KLHL33: variants seen among roughly 807,000 people sequenced by gnomAD.
KLHL33 encodes the protein kelch-like protein 33.
Under a neutral mutation model 60.8 loss-of-function variants are expected in KLHL33, and 46 were observed. The observed-to-expected ratio is 0.76, with a 90% CI of 0.60 to 0.97. The LOEUF is 0.97. KLHL33 is among the 50% of genes least tolerant of loss of function. KLHL33 has a pLI of 0.00. For missense variants in KLHL33, 1,055 were observed against 1,000.0 expected (o/e 1.05, Z -0.74); for synonymous variants, 434 against 432.2 (o/e 1.00, Z -0.05).
chr14:20,432,215 T>C (rs1447079705), intron 2 of KLHL33, among the ~76,000 whole-genome samples: 1 of 151,940 alleles, frequency 6.6e-6, no homozygotes, highest in African/African-American at 2.4e-5. Context: ...TCCAGCTTCA[T>C]GTGATTCTCG....
At position 20,429,510 on chromosome 14, in the gene KLHL33, A is replaced by G; in HGVS notation, c.1833T>C (p.Asn611=). The G allele has an allele frequency of 6.4e-7, 1 of 1,552,140 alleles. No homozygotes were observed. Among genetic ancestry groups the G allele is most frequent in the African/African-American group, 1.4e-5 (1 of 73,136 alleles). The part of the protein sequence containing the change: ...DSVETYNPEL[N]VWRPAPALPA... The stretch of plus-strand genomic sequence containing the variant: ...CCCCCTTGCCTGCTTACCTCCAGAC[A>G]TTGAGCTCAGGGTTGTAGGTCTCCA... Residue 611 remains asparagine (N), a synonymous_variant, in exon 4 of 5, where the codon AAT becomes AAC. Coordinates refer to ENST00000636854, the MANE Select transcript of KLHL33 (RefSeq NM_001365790.2).
chr14:20,435,764 G>A lies in KLHL33; in HGVS notation c.48C>T (p.Val16=). 1.6e-6 allele frequency: 2 copies of A among 1,234,432 alleles called. No individual in the cohort carries two copies. Among genetic ancestry groups the A allele is most frequent in the Non-Finnish European group, 2.0e-6 (2 of 988,214 alleles). The allele number at this position is 1,234,432 out of a possible 1,614,324, so 76.5% of individuals were successfully genotyped here. A position where few individuals can be genotyped will look rare whatever the true frequency, so the allele number is the denominator to read the frequency against. ...GGCAGTCCCTCTGGACGGGATGAGA[G>A]ACACTCTCCAGCTCAGGGGGATAAT... The part of the protein sequence containing the change: ...TPHYPPELES[V]SHPVQRDCLG... Residue 16 remains valine (V), a synonymous_variant, in exon 2 of 5, where the codon GTC becomes GTT. Coordinates refer to ENST00000636854, the MANE Select transcript of KLHL33 (RefSeq NM_001365790.2).
intron 2 of KLHL33, 148 bp downstream of exon 2, chr14:20,434,916 A>T (rs1032070678): frequency 5.2e-6 from 3 of 573,108 alleles, no homozygotes; most frequent in African/African-American, 3.9e-5. Flanking sequence ...TCCGTGGGGC[A>T]GGAGAGGCAC....
rs1278055954 is a variant in KLHL33, at chr14:20,435,117, C to A, written c.695G>T (p.Arg232Leu). 2 of 1,234,476 alleles carry A rather than the reference C, an allele frequency of 1.6e-6. No homozygotes were observed. The highest frequency in any genetic ancestry group is 2.0e-6 in the Non-Finnish European group (2 of 988,198). The allele number at this position is 1,234,476 out of a possible 1,614,324, so 76.5% of individuals were successfully genotyped here. ...CTTCAAGTCACACCCGACGCCCTCT[C>A]GGTAGAGGAGCTCGATTCCGCGCAG... ...ENLRGIELLYREGVGCDLKLE... is the reference protein window; with the variant it reads ...ENLRGIELLYLEGVGCDLKLE... The change falls in exon 2 of 5, where the codon CGA becomes CTA. Residue 232 changes from arginine (R) to leucine (L), a missense_variant. Physicochemically the swap from Arg to Leu is moderately radical, Grantham distance 102. Transcript: ENST00000636854.
chr14:20,435,380 G>T lies in KLHL33; in HGVS notation c.432C>A (p.Gly144=). Residue 144 remains glycine, a synonymous_variant, in exon 2 of 5, where the codon GGC becomes GGA. Coordinates refer to ENST00000636854, the MANE Select transcript of KLHL33 (RefSeq NM_001365790.2). Reference sequence around the variant, plus strand: ...TGAAGGGGGGCCGCGGACCTCCGCCGCCCAGCAGCCTGTCTCGGAAGAGGC... The same window carrying T: ...TGAAGGGGGGCCGCGGACCTCCGCCTCCCAGCAGCCTGTCTCGGAAGAGGC... ...ISSLFRDRLL[G]GGGPRPPFSL... 8.1e-7 allele frequency: 1 copy of T among 1,234,274 alleles called. No individual in the cohort carries two copies. The highest frequency in any genetic ancestry group is 1.0e-6 in the Non-Finnish European group (1 of 988,114). 76.5% of individuals were successfully genotyped at this position (1,234,274 alleles called of 1,614,324 possible).
At chr14:20,431,950 C>T (rs1880522068) in intron 2 of KLHL33, among the ~76,000 whole-genome samples, 1 of 152,060 alleles carries the variant, frequency 6.6e-6, no homozygotes, top group African/African-American at 2.4e-5. Context: ...ACAATTAGAC[C>T]TCATACTCAG....
intron 2 of KLHL33, among the ~76,000 whole-genome samples, chr14:20,433,024 G>A (rs1020276442): frequency 6.6e-6 from 1 of 150,978 alleles, no homozygotes. Context: ...CATGATAAAG[G>A]TATTATGGTT....
chr14:20,429,819 G>A lies in KLHL33; in HGVS notation c.1649C>T (p.Ser550Phe). ...VCGGQDFYSH[S>F]NTLASTLRWE... Reference sequence around the variant, plus strand: ...CCTGAGAGTTGAAGCCAGGGTGTTGGAGTGACTGTAGAAATCTTGTCCCCC... The same window carrying A: ...CCTGAGAGTTGAAGCCAGGGTGTTGAAGTGACTGTAGAAATCTTGTCCCCC... Residue 550 changes from serine to phenylalanine, a missense_variant, in exon 3 of 5, where the codon TCC becomes TTC. By Grantham distance (155) the Ser-to-Phe change is radical (BLOSUM62 -2). Coordinates refer to ENST00000636854, the MANE Select transcript of KLHL33 (RefSeq NM_001365790.2). 1 of 1,544,812 alleles carries A rather than the reference G, an allele frequency of 6.5e-7. No individual in the cohort carries two copies. Among genetic ancestry groups the A allele is most frequent in the Non-Finnish European group, 8.7e-7 (1 of 1,143,024 alleles).
In KLHL33 at chr14:20,426,124, G is replaced by A. The variant is rs1436957970; in HGVS notation, c.*2725C>T. 2 of 152,014 alleles carry A rather than the reference G, an allele frequency of 1.3e-5. No homozygotes were observed. Among genetic ancestry groups the A allele is most frequent in the Non-Finnish European group, 2.9e-5 (2 of 68,022 alleles). 9.4% of individuals were successfully genotyped at this position (152,014 alleles called of 1,614,324 possible). On this transcript the variant is annotated 3_prime_UTR_variant, in exon 5 of 5. Coordinates refer to ENST00000636854, the MANE Select transcript of KLHL33 (RefSeq NM_001365790.2). Reference sequence around the variant, plus strand: ...TAAAATACATGCCAAGTACTTCTGGGGCCAGAATGAAGAAGGGTGCAAGGG... The same window carrying A: ...TAAAATACATGCCAAGTACTTCTGGAGCCAGAATGAAGAAGGGTGCAAGGG...
chr14:20,434,785 C>A (rs1490184758), intron 2 of KLHL33, among the ~76,000 whole-genome samples: 1 of 152,048 alleles, frequency 6.6e-6, no homozygotes, highest in Non-Finnish European at 1.5e-5. Flanking sequence ...TGGATTGTAC[C>A]CTTAGCTCTA....
rs1880674076 is a variant in KLHL33, at chr14:20,435,710, G to A, written c.102C>T (p.Thr34=). ...CGTCGGGGGAGGGAGGCCAGGAAGG[G>A]GTTCTCTGGGCGTGCACAAGGAGTC... ...CLGLLVHAQR[T]PSWPPSPDED... Residue 34 remains threonine, a synonymous_variant, in exon 2 of 5, where the codon ACC becomes ACT. Transcript: ENST00000636854. 6.5e-6 allele frequency: 8 copies of A among 1,234,786 alleles called. No homozygotes were observed. The highest frequency in any genetic ancestry group is 8.1e-6 in the Non-Finnish European group (8 of 988,470). The allele number at this position is 1,234,786 out of a possible 1,614,324, so 76.5% of individuals were successfully genotyped here. A position where few individuals can be genotyped will look rare whatever the true frequency, so the allele number is the denominator to read the frequency against.
intron 2 of KLHL33, among the ~76,000 whole-genome samples, chr14:20,432,978 G>GAAAGAAAGAAAGAAAGA (rs1880568315): frequency 6.6e-6 from 1 of 151,456 alleles, no homozygotes; most frequent in African/African-American, 2.4e-5. Context: ...AAGAAAGAAA[G>GAAAGAAAGAAAGAAAGA]AAAGAAAGAG....
At chr14:20,435,889 G>A (rs946177742) in intron 1 of KLHL33, 59 bp from the exon 2 acceptor site, 6 of 1,174,228 alleles carry the variant, frequency 5.1e-6, no homozygotes, top group East Asian at 6.4e-5. Flanking sequence ...AGAGGCCAGA[G>A]CAACCATGTC....
chr14:20,434,427 G>A (rs1880617256), intron 2 of KLHL33, among the ~76,000 whole-genome samples: 1 of 152,176 alleles, frequency 6.6e-6, no homozygotes, highest in South Asian at 2.1e-4. Flanking sequence ...TGTAATCCCA[G>A]CTACTCGGGA....
chr14:20,426,990 A>C lies in KLHL33; in HGVS notation c.*1859T>G, dbSNP rs1040806579. The C allele has an allele frequency of 3.7e-5, 5 of 135,626 alleles. No individual in the cohort carries two copies. Among genetic ancestry groups the C allele is most frequent in the Non-Finnish European group, 7.7e-5 (5 of 64,936 alleles). The allele number at this position is 135,626 out of a possible 1,614,324, so 8.4% of individuals were successfully genotyped here. A position where few individuals can be genotyped will look rare whatever the true frequency, so the allele number is the denominator to read the frequency against. On this transcript the variant is annotated 3_prime_UTR_variant, in exon 5 of 5. Transcript: ENST00000636854. ...TAGGTGGGAATTGAACAATGAGAACACGTGGACACAGGAAGGGGAACATCA... is the reference window on the plus strand; with the variant it reads ...TAGGTGGGAATTGAACAATGAGAACCCGTGGACACAGGAAGGGGAACATCA...
chr14:20,433,296 A>T (rs896090191), intron 2 of KLHL33, among the ~76,000 whole-genome samples: 1 of 152,178 alleles, frequency 6.6e-6, no homozygotes, highest in African/African-American at 2.4e-5. Context: ...GGTGGGGGGT[A>T]ATGCTCCTAG....
At chr14:20,434,163 T>C (rs1003961861) in intron 2 of KLHL33, among the ~76,000 whole-genome samples, 8 of 152,182 alleles carry the variant, frequency 5.3e-5, no homozygotes, top group African/African-American at 1.9e-4. Flanking sequence ...AGGTACCCAG[T>C]GCCTCACTAA....
chr14:20,431,821 A>T (rs1451693915), intron 2 of KLHL33, among the ~76,000 whole-genome samples: 4 of 152,358 alleles, frequency 2.6e-5, no homozygotes, highest in Non-Finnish European at 5.9e-5. Flanking sequence ...GTGTGGGCAG[A>T]TCATCTCCAT....
In KLHL33 at chr14:20,428,816, G is replaced by A; in HGVS notation, c.*33C>T. ...GTCCTTCTCTCAGGCTATTTCTTAT[G>A]CCCTCCTCTCCCCATACACTGTTGC... On this transcript the variant is annotated 3_prime_UTR_variant, in exon 5 of 5. Transcript: ENST00000636854. 1 of 1,503,226 alleles carries A rather than the reference G, an allele frequency of 6.7e-7. No homozygotes were observed. The highest frequency in any genetic ancestry group is 9.0e-7 in the Non-Finnish European group (1 of 1,110,658). 93.1% of individuals were successfully genotyped at this position (1,503,226 alleles called of 1,614,324 possible).
Sources: allele counts gnomAD v4.1 joint callset (sites outside exome capture counted in the v4.1 genomes callset), GRCh38; gene constraint gnomAD v4.1.1; transcripts MANE v1.5; gene names NCBI Gene and HGNC (gene_info 2026-07-23, HGNC 2026-07-21).